NFYC: variants seen among roughly 807,000 people sequenced by gnomAD.
The protein encoded by NFYC is nuclear transcription factor Y subunit gamma.
In NFYC, 25 loss-of-function variants were observed where a neutral mutation model predicts 53.1. The observed-to-expected ratio is 0.47, with a 90% CI of 0.34 to 0.66. NFYC has a LOEUF of 0.66. NFYC is among the 30% of genes least tolerant of loss of function. NFYC has a pLI of 0.01. For synonymous variants in NFYC, 145 were observed against 152.6 expected, an observed-to-expected ratio of 0.95 and a Z score of 0.37; for missense variants, 260 against 422.7, an observed-to-expected ratio of 0.62 and a Z score of 3.38.
chr1:40,732,820 G>A (rs572134076), intron 1 of NFYC, among the ~76,000 whole-genome samples: 1 of 152,138 alleles, frequency 6.6e-6, no homozygotes, highest in Admixed American at 6.6e-5. Flanking sequence ...GTGTGTGTGT[G>A]TCCTTTCTGT....
chr1:40,762,678 A>G (rs1646609518), intron 6 of NFYC, among the ~76,000 whole-genome samples: 1 of 152,178 alleles, frequency 6.6e-6, no homozygotes, highest in African/African-American at 2.4e-5. Context: ...GTGAGCCTAA[A>G]AATATTTTTG....
chr1:40,727,206 T>TG (rs1266355044), intron 1 of NFYC, among the ~76,000 whole-genome samples: 10 of 151,966 alleles, frequency 6.6e-5, no homozygotes, highest in African/African-American at 9.7e-5. Context: ...TTTTTTTGTT[T>TG]GTTTGTTTGG....
At position 40,769,358 on chromosome 1, in the gene NFYC, T is replaced by C. The variant is rs1646973872; in HGVS notation, c.831T>C (p.Ile277=). 1 of 1,613,972 alleles carries C rather than the reference T, an allele frequency of 6.2e-7. No individual in the cohort carries two copies. Among genetic ancestry groups the C allele is most frequent in the Admixed American group, 1.7e-5 (1 of 60,008 alleles). ...CTCTACCATCTTGATTCTTACAGAT[T>C]ACACAGACAGAGGTCCAGCAAGGAC... is the stretch of plus-strand genomic sequence containing the variant. ...IQTLATNAQQ[I]TQTEVQQGQQ... is the part of the protein sequence containing the mutation. Residue 277 remains isoleucine (I), a splice_region_variant and synonymous_variant, in exon 9 of 10, where the codon ATT becomes ATC. Coordinates refer to ENST00000447388, the MANE Select transcript of NFYC (RefSeq NM_014223.5).
chr1:40,714,463 T>C (rs890261328), intron 1 of NFYC, among the ~76,000 whole-genome samples: 10 of 152,230 alleles, frequency 6.6e-5, no homozygotes, highest in African/African-American at 1.9e-4. Flanking sequence ...GACCTTCATA[T>C]ATTTAGACAA....
At chr1:40,729,613 T>A (rs904735351) in intron 1 of NFYC, among the ~76,000 whole-genome samples, 6 of 152,226 alleles carry the variant, frequency 3.9e-5, no homozygotes, top group African/African-American at 1.4e-4. Flanking sequence ...CAAGAACTTT[T>A]TCTTTGCAGT....
At chr1:40,730,957 G>A (rs959301269) in intron 1 of NFYC, among the ~76,000 whole-genome samples, 3 of 152,250 alleles carry the variant, frequency 2.0e-5, no homozygotes, top group African/African-American at 7.2e-5. Context: ...TTTGAGCATT[G>A]TCCCCACGTC....
chr1:40,754,504 C>G lies in NFYC; in HGVS notation c.387+1258C>G, dbSNP rs12403977. ...CATTGCAGGTTTGTGCCCACAGGCT[C>G]AATTCCTCCTCTTGGGGGTCCTTCC... is the stretch of plus-strand genomic sequence containing the variant. On this transcript the variant is annotated intron_variant, in intron 5 of 9. Coordinates refer to ENST00000447388, the MANE Select transcript of NFYC (RefSeq NM_014223.5). 3,268 of 501,376 alleles carry G rather than the reference C, an allele frequency of 6.5e-3. 137 individuals are homozygous for G. In the Admixed American group the frequency reaches 0.066, roughly 10 times the overall value. 31.1% of individuals were successfully genotyped at this position (501,376 alleles called of 1,614,324 possible). A position where few individuals can be genotyped will look rare whatever the true frequency, so the allele number is the denominator to read the frequency against.
Position 40,697,532 on chromosome 1 carries a change from G to A in NFYC, c.-9+5665G>A, listed in dbSNP as rs548823424. Among the ~76,000 whole-genome samples, 6 of 152,330 alleles carry A rather than the reference G, an allele frequency of 3.9e-5. No individual in the cohort carries two copies. The East Asian group carries it at 7.7e-4, about 20-fold the overall frequency. ...CCAAGTGTTGAGTGGTAATGATTGCGATGCGATGAAAACTTCTTCATATTT... is the reference window on the plus strand; with the variant it reads ...CCAAGTGTTGAGTGGTAATGATTGCAATGCGATGAAAACTTCTTCATATTT... On this transcript the variant is annotated intron_variant, in intron 1 of 9. Coordinates refer to ENST00000447388, the MANE Select transcript of NFYC (RefSeq NM_014223.5).
chr1:40,769,050 C>T (rs1646960318), intron 8 of NFYC: 2 of 315,480 alleles, frequency 6.3e-6, no homozygotes, highest in Non-Finnish European at 1.2e-5. Flanking sequence ...TCCATGTGTT[C>T]TGTTTGAGCC....
chr1:40,743,160 C>A (rs927895217), intron 2 of NFYC, among the ~76,000 whole-genome samples: 4 of 152,222 alleles, frequency 2.6e-5, no homozygotes, highest in African/African-American at 9.6e-5. Context: ...GTGTTGGAAA[C>A]ACTGGCCTCA....
At chr1:40,751,828 A>T (rs1467440999) in intron 4 of NFYC, among the ~76,000 whole-genome samples, 1 of 152,108 alleles carries the variant, frequency 6.6e-6, no homozygotes, top group Non-Finnish European at 1.5e-5. Context: ...GATTGAGTAG[A>T]TGACATCAAA....
chr1:40,770,741 T>TGCG lies in NFYC; in HGVS notation c.923_925dup (p.Ala308dup). 1 of 1,614,072 alleles carries TGCG rather than the reference T, an allele frequency of 6.2e-7. No homozygotes were observed. Among genetic ancestry groups the TGCG allele is most frequent in the Non-Finnish European group, 8.5e-7 (1 of 1,180,028 alleles). On this transcript the variant is annotated inframe_insertion, in exon 10 of 10. Transcript: ENST00000447388. The surrounding 1 kb of genome is among the most constrained non-coding windows in gnomAD (Gnocchi z 5.3). ...ACCAGATCCAGCAAGTCACCATGCC[T>TGCG]GCGGGCCAGGACCTCGCCCAGCCCA...
chr1:40,716,941 AG>A (rs1644157890), intron 1 of NFYC, among the ~76,000 whole-genome samples: 1 of 95,180 alleles, frequency 1.1e-5, no homozygotes, highest in Non-Finnish European at 2.4e-5. Context: ...GGATAGAAAC[AG>A]AAATTTAGGA....
At chr1:40,753,489 G>A (rs554265290) in intron 5 of NFYC, among the ~76,000 whole-genome samples, 51 of 152,126 alleles carry the variant, frequency 3.4e-4, no homozygotes, top group Non-Finnish European at 6.3e-4. Context: ...AGTTACAAAT[G>A]GTAAAGTTAA....
At chr1:40,708,053 G>T (rs1490064572) in intron 1 of NFYC, among the ~76,000 whole-genome samples, 1 of 152,110 alleles carries the variant, frequency 6.6e-6, no homozygotes, top group Non-Finnish European at 1.5e-5. Flanking sequence ...AACATATGCA[G>T]ACTTTTTTTC....
In NFYC at chr1:40,710,945, T is replaced by C. The variant is rs568193150; in HGVS notation, c.-9+19078T>C. On this transcript the variant is annotated intron_variant, in intron 1 of 9. Transcript: ENST00000447388. ...TTAAGATGAAAAGAGACTGTACTTC[T>C]GATATTCAAGTCGAGTGGTTAGTAG... Among the ~76,000 whole-genome samples, 3 of 152,366 alleles carry C rather than the reference T, an allele frequency of 2.0e-5. No individual in the cohort carries two copies. In the South Asian group the frequency reaches 6.2e-4, roughly 32 times the overall value.
Position 40,726,350 on chromosome 1 carries a change from T to C in NFYC, c.-8-12486T>C, listed in dbSNP as rs150255720. Among the ~76,000 whole-genome samples, 907 of 152,068 alleles carry C rather than the reference T, an allele frequency of 6.0e-3. 8 individuals are homozygous for C. The highest frequency in any genetic ancestry group is 0.021 in the African/African-American group (860 of 41,490). ...CCAGGCTGGTTTCGAACTCCTGACC[T>C]CAGGTGATCCACCCACCTCAGTCTC... On this transcript the variant is annotated intron_variant, in intron 1 of 9. Transcript: ENST00000447388.
intron 1 of NFYC, among the ~76,000 whole-genome samples, chr1:40,730,131 C>G (rs1270675949): frequency 2.0e-5 from 3 of 151,844 alleles, no homozygotes; most frequent in Non-Finnish European, 4.4e-5. Context: ...CCACCTCAGC[C>G]TTCTGAGTAG....
Position 40,762,941 on chromosome 1 carries a change from G to A in NFYC, c.615G>A (p.Gln205=), listed in dbSNP as rs1054902899. ...AAGGTCAGCAGGTGCAGATTGTCCA[G>A]GCTCAGCCACAGGGTCAAGCCCAAC... The part of the protein sequence containing the change: ...VGEGQQVQIV[Q]AQPQGQAQQA... The change falls in exon 7 of 10, where the codon CAG becomes CAA. Residue 205 remains glutamine, a synonymous_variant. Coordinates refer to ENST00000447388, the MANE Select transcript of NFYC (RefSeq NM_014223.5). 1 of 1,611,588 alleles carries A rather than the reference G, an allele frequency of 6.2e-7. No individual in the cohort carries two copies. The highest frequency in any genetic ancestry group is 8.5e-7 in the Non-Finnish European group (1 of 1,178,706).
Sources: gnomAD v4.1 joint callset for allele counts (sites outside exome capture counted in the v4.1 genomes callset) on GRCh38, gnomAD v4.1.1 for gene constraint, Gnocchi (gnomAD v3.1) non-coding constraint, MANE v1.5 for transcripts, NCBI Gene and HGNC (gene_info 2026-07-23, HGNC 2026-07-21) for gene names.